Variants in SLC24A2 observed in about 807,000 individuals in gnomAD.
SLC24A2 encodes solute carrier family 24 member 2, also known as sodium/potassium/calcium exchanger 2.
A neutral mutation model predicts 62.0 loss-of-function variants in SLC24A2; 36 were observed. The ratio of observed to expected loss-of-function variants is 0.58; its 90% CI spans 0.44 to 0.77. The LOEUF (loss-of-function observed/expected upper bound fraction) is 0.77, where lower values mean the gene tolerates loss of function less well. Among genes scored for constraint, SLC24A2 ranks in the 30% least tolerant of loss-of-function variants. The probability of loss-of-function intolerance (pLI) is 0.00; values close to 1 mark genes in which losing one functional copy is unlikely to be tolerated. For synonymous variants in SLC24A2, 358 were observed against 294.0 expected, an observed-to-expected ratio of 1.22 and a Z score of -2.23; for missense variants, 846 against 817.9, an observed-to-expected ratio of 1.03 and a Z score of -0.42.
At chr9:19,755,567 G>C (rs1445704673) in intron 2 of SLC24A2, among the ~76,000 whole-genome samples, 3 of 152,170 alleles carry the variant, frequency 2.0e-5, no homozygotes, top group African/African-American at 7.2e-5. Flanking sequence ...ATTACAGCAA[G>C]AGTTGGCCAG....
chr9:20,060,372 TC>T, the SLC24A2 span, among the ~76,000 whole-genome samples: 1 of 151,932 alleles, frequency 6.6e-6, no homozygotes, highest in Non-Finnish European at 1.5e-5. Flanking sequence ...AGTTCAATAT[TC>T]CTCATAAACA....
At chr9:20,172,868 T>C in the SLC24A2 span, among the ~76,000 whole-genome samples, 11 of 151,896 alleles carry the variant, frequency 7.2e-5, no homozygotes, top group Admixed American at 1.3e-4. Context: ...ATCACTTTAA[T>C]ACCAAAACCA....
At chr9:19,743,256 G>C in intron 2 of SLC24A2, among the ~76,000 whole-genome samples, 1 of 152,134 alleles carries the variant, frequency 6.6e-6, no homozygotes, top group Non-Finnish European at 1.5e-5. Flanking sequence ...ATGTCATAGG[G>C]TTAGTCAGTT....
the SLC24A2 span, among the ~76,000 whole-genome samples, chr9:20,082,697 G>A: frequency 6.6e-6 from 1 of 152,356 alleles, no homozygotes; most frequent in South Asian, 2.1e-4. Context: ...AGTGGAAGAT[G>A]CTCTGTGCTT....
chr9:19,605,213 A>G (rs1735832801), intron 4 of SLC24A2, among the ~76,000 whole-genome samples: 1 of 152,220 alleles, frequency 6.6e-6, no homozygotes, highest in Non-Finnish European at 1.5e-5. Flanking sequence ...GTGGCCTAAG[A>G]ATGTTTCACC....
At chr9:20,032,256 T>A in the SLC24A2 span, among the ~76,000 whole-genome samples, 2 of 152,218 alleles carry the variant, frequency 1.3e-5, no homozygotes, top group Non-Finnish European at 2.9e-5. Context: ...ATTCTCTCTG[T>A]TACAATGATT....
At chr9:19,849,398 G>A in the SLC24A2 span, among the ~76,000 whole-genome samples, 1 of 152,056 alleles carries the variant, frequency 6.6e-6, no homozygotes, top group South Asian at 2.1e-4. Context: ...ATTTTTCTGA[G>A]ACACTATTGT....
At chr9:20,158,962 A>T in the SLC24A2 span, among the ~76,000 whole-genome samples, 1 of 151,738 alleles carries the variant, frequency 6.6e-6, no homozygotes, top group Non-Finnish European at 1.5e-5. Context: ...ACAAAGAAAA[A>T]ATATCCTCAG....
At chr9:20,303,218 T>C in the SLC24A2 span, among the ~76,000 whole-genome samples, 1 of 152,040 alleles carries the variant, frequency 6.6e-6, no homozygotes, top group Admixed American at 6.5e-5. Flanking sequence ...TTCTTACCAT[T>C]CCATTTACAT....
the SLC24A2 span, among the ~76,000 whole-genome samples, chr9:20,116,186 C>A: frequency 1.3e-5 from 2 of 152,250 alleles, no homozygotes; most frequent in Non-Finnish European, 2.9e-5. Context: ...GCCCAGCATG[C>A]ACCATGAGTC....
chr9:20,091,201 G>C, the SLC24A2 span, among the ~76,000 whole-genome samples: 1 of 150,554 alleles, frequency 6.6e-6, no homozygotes, highest in South Asian at 2.2e-4. Flanking sequence ...AGAAATATGG[G>C]ATTACGTAAA....
intron 4 of SLC24A2, 37 bp downstream of exon 4, chr9:19,619,547 C>G (rs1817857096): frequency 6.6e-7 from 1 of 1,504,776 alleles, no homozygotes; most frequent in Non-Finnish European, 9.3e-7. Flanking sequence ...ATCCTTTTCC[C>G]CCCAAACAAG....
the SLC24A2 span, among the ~76,000 whole-genome samples, chr9:19,935,085 G>A: frequency 6.6e-6 from 1 of 150,630 alleles, no homozygotes; most frequent in Non-Finnish European, 1.5e-5. Context: ...GCTGTTGTTG[G>A]TTCTCCCTTT....
At chr9:20,084,160 T>C in the SLC24A2 span, among the ~76,000 whole-genome samples, 9 of 152,150 alleles carry the variant, frequency 5.9e-5, no homozygotes, top group Non-Finnish European at 1.2e-4. Flanking sequence ...TTAAAGAAAA[T>C]AGTGTTGCCA....
chr9:19,534,390 G>C (rs1586907658), intron 8 of SLC24A2, among the ~76,000 whole-genome samples: 1 of 151,850 alleles, frequency 6.6e-6, no homozygotes, highest in Admixed American at 6.6e-5. Context: ...TAAGTTCTTG[G>C]GTACATGCGC....
At chr9:20,113,043 C>T in the SLC24A2 span, among the ~76,000 whole-genome samples, 1 of 152,074 alleles carries the variant, frequency 6.6e-6, no homozygotes, top group African/African-American at 2.4e-5. Context: ...TGTGACATGC[C>T]TGGCAGCCAC....
intron 9 of SLC24A2, among the ~76,000 whole-genome samples, chr9:19,527,426 G>T (rs10491556): frequency 3.3e-5 from 5 of 152,060 alleles, no homozygotes; most frequent in South Asian, 4.2e-4. Context: ...TAAAGACAAA[G>T]GGATGTGAAT....
chr9:19,751,576 G>A (rs1821985246), intron 2 of SLC24A2, among the ~76,000 whole-genome samples: 1 of 152,094 alleles, frequency 6.6e-6, no homozygotes, highest in Admixed American at 6.6e-5. Context: ...TTCAGCCAAT[G>A]CTGGGGAGAA....
the SLC24A2 span, among the ~76,000 whole-genome samples, chr9:20,124,732 T>C: frequency 6.6e-6 from 1 of 152,190 alleles, no homozygotes; most frequent in Non-Finnish European, 1.5e-5. Context: ...TGCCCCCAGT[T>C]CCCTCTCTTA....
Sources: gnomAD v4.1 joint callset for allele counts (sites outside exome capture counted in the v4.1 genomes callset) on GRCh38, gnomAD v4.1.1 for gene constraint, MANE v1.5 for transcripts, NCBI Gene and HGNC (gene_info 2026-07-23, HGNC 2026-07-21) for gene names.